The following NPNT variants were observed in gnomAD, a reference collection of about 807,000 sequenced individuals.
NPNT encodes the protein preosteoblast EGF-like repeat protein with MAM domain.
Under a neutral mutation model 68.6 loss-of-function variants are expected in NPNT, and 45 were observed. The observed-to-expected ratio is 0.66, with a 90% CI of 0.52 to 0.84. The LOEUF is 0.84. NPNT is among the 40% of genes least tolerant of loss of function. NPNT has a pLI of 0.00. For synonymous variants in NPNT, 233 were observed against 253.3 expected, an observed-to-expected ratio of 0.92 and a Z score of 0.76; for missense variants, 672 against 714.8, an observed-to-expected ratio of 0.94 and a Z score of 0.68.
At chr4:105,920,418 A>AAAAAAAAAAAAAAAAAAAAAAT (rs1728174889) in intron 2 of NPNT, among the ~76,000 whole-genome samples, 1 of 150,998 alleles carries the variant, frequency 6.6e-6, no homozygotes, top group Non-Finnish European at 1.5e-5. Flanking sequence ...AAAAAAAAAA[A>AAAAAAAAAAAAAAAAAAAAAAT]ACTTCACATT....
chr4:105,966,410 G>A (rs1001280616), intron 10 of NPNT, among the ~76,000 whole-genome samples: 13 of 152,160 alleles, frequency 8.5e-5, no homozygotes, highest in Admixed American at 4.6e-4. Context: ...CATCATCAAA[G>A]TGGTCTATCT....
chr4:105,907,089 G>A (rs1477575282), intron 2 of NPNT, among the ~76,000 whole-genome samples: 2 of 152,070 alleles, frequency 1.3e-5, no homozygotes, highest in Non-Finnish European at 2.9e-5. Flanking sequence ...TAATTCACCT[G>A]GATTTATAAG....
chr4:105,919,213 T>C (rs1177885687), intron 2 of NPNT, among the ~76,000 whole-genome samples: 1 of 152,104 alleles, frequency 6.6e-6, no homozygotes, highest in African/African-American at 2.4e-5. Flanking sequence ...TAAATACCCA[T>C]ATATCCTTAT....
intron 4 of NPNT, among the ~76,000 whole-genome samples, 164 bp downstream of exon 4, chr4:105,937,292 A>G (rs1405064275): frequency 6.6e-6 from 1 of 152,130 alleles, no homozygotes; most frequent in African/African-American, 2.4e-5. Context: ...AAGAGGCACC[A>G]TTTTCGATGT....
chr4:105,961,874 C>T (rs1383215108), intron 10 of NPNT, among the ~76,000 whole-genome samples: 2 of 152,162 alleles, frequency 1.3e-5, no homozygotes, highest in East Asian at 1.9e-4. Flanking sequence ...GACCAAACTA[C>T]GGTTGACTCA....
At position 105,898,344 on chromosome 4, in the gene NPNT, C is replaced by G. The variant is rs927447182; in HGVS notation, c.172+343C>G. Among the ~76,000 whole-genome samples, 807 of 125,488 alleles carry G rather than the reference C, an allele frequency of 6.4e-3. 7 individuals are homozygous for G. The highest frequency in any genetic ancestry group is 0.027 in the African/African-American group (713 of 26,304). The allele number at this position is 125,488 out of a possible 152,430, so 82.3% of individuals were successfully genotyped here. A position where few individuals can be genotyped will look rare whatever the true frequency, so the allele number is the denominator to read the frequency against. The stretch of plus-strand genomic sequence containing the variant: ...TCTCTCTCTGTCTCTCTCTCTCTCT[C>G]TCTCTCTCTCTCTCTCTCTCTCTCT... On this transcript the variant is annotated intron_variant, in intron 2 of 11. Coordinates refer to ENST00000379987, the MANE Select transcript of NPNT (RefSeq NM_001033047.3).
intron 3 of NPNT, among the ~76,000 whole-genome samples, chr4:105,934,049 A>C (rs1461413626): frequency 6.6e-6 from 1 of 152,160 alleles, no homozygotes; most frequent in Non-Finnish European, 1.5e-5. Flanking sequence ...AAAGGAAGAT[A>C]AGTAAATTTA....
intron 2 of NPNT, among the ~76,000 whole-genome samples, chr4:105,921,381 T>A (rs2149346077): frequency 6.6e-6 from 1 of 152,330 alleles, no homozygotes; most frequent in East Asian, 1.9e-4. Flanking sequence ...TTTTTACTTG[T>A]TTACTTGTAA....
rs35043121 is a variant in NPNT at position 105,924,039 on chromosome 4, GCC to G, written c.173-3288_173-3287del. ...ACTAAGAAGCAGTCCCCTTTGCTGCGCCCCCCCCCCACCACTTTGCTTATATT... is the reference window on the plus strand; with the variant it reads ...ACTAAGAAGCAGTCCCCTTTGCTGCGCCCCCCCCACCACTTTGCTTATATT... On this transcript the variant is annotated intron_variant, in intron 2 of 11. Transcript: ENST00000379987. Among the ~76,000 whole-genome samples the G allele has an allele frequency of 8.5e-4, 120 of 140,448 alleles. 1 individual carries two copies. Among genetic ancestry groups the G allele is most frequent in the African/African-American group, 3.1e-3 (117 of 38,326 alleles). The allele number at this position is 140,448 out of a possible 152,430, so 92.1% of individuals were successfully genotyped here.
rs966942830 is a variant in NPNT, at chr4:105,955,609, GA to G, written c.1160-2852del. On this transcript the variant is annotated intron_variant, in intron 8 of 11. Coordinates refer to ENST00000379987, the MANE Select transcript of NPNT (RefSeq NM_001033047.3). The stretch of plus-strand genomic sequence containing the variant: ...ACAAAAAAAGTGAACCAATACAAAT[GA>G]AAAAAAAAATTTCATTTCTAATACT... Among the ~76,000 whole-genome samples, 599 of 147,702 alleles carry G rather than the reference GA, an allele frequency of 4.1e-3. 5 individuals carry two copies. The highest frequency in any genetic ancestry group is 0.014 in the African/African-American group (567 of 40,286).
In NPNT at chr4:105,927,362, G is replaced by A. The variant is rs1728765452; in HGVS notation, c.199G>A (p.Gly67Ser). ...TGTGTGCCAACCACGATGCAAACAT[G>A]GTGAATGTATCGGGCCAAACAAGTG... Reference protein sequence around the residue: ...QPVCQPRCKHGECIGPNKCKC... With the variant: ...QPVCQPRCKHSECIGPNKCKC... The change falls in exon 3 of 12, where the codon GGT becomes AGT. Residue 67 changes from glycine to serine, a missense_variant. Gly to Ser is a moderately conservative substitution (Grantham distance 56, BLOSUM62 0). Transcript: ENST00000379987. 1 of 1,612,538 alleles carries A rather than the reference G, an allele frequency of 6.2e-7. No homozygotes were observed. The highest frequency in any genetic ancestry group is 8.5e-7 in the Non-Finnish European group (1 of 1,179,010).
intron 8 of NPNT, among the ~76,000 whole-genome samples, chr4:105,947,493 C>G (rs1481209328): frequency 6.6e-6 from 1 of 152,116 alleles, no homozygotes; most frequent in Admixed American, 6.5e-5. Flanking sequence ...CCTGACTTCC[C>G]ACAACACTCA....
chr4:105,898,800 C>T (rs1189244312), intron 2 of NPNT, among the ~76,000 whole-genome samples: 5 of 152,076 alleles, frequency 3.3e-5, no homozygotes, highest in Non-Finnish European at 5.9e-5. Flanking sequence ...CATTTTATCG[C>T]GATCTTAAAA....
At chr4:105,939,162 A>C (rs1348048655) in intron 5 of NPNT, among the ~76,000 whole-genome samples, 2 of 152,362 alleles carry the variant, frequency 1.3e-5, no homozygotes, top group South Asian at 4.1e-4. Context: ...TGACATGCTA[A>C]TGGGGGAGAC....
chr4:105,949,303 G>C (rs1378612852), intron 8 of NPNT, among the ~76,000 whole-genome samples: 1 of 152,080 alleles, frequency 6.6e-6, no homozygotes, highest in African/African-American at 2.4e-5. Context: ...TTGAATCTTG[G>C]GATTAGAGTT....
intron 2 of NPNT, among the ~76,000 whole-genome samples, chr4:105,923,896 G>A (rs981465338): frequency 1.3e-5 from 2 of 152,106 alleles, no homozygotes; most frequent in African/African-American, 4.8e-5. Context: ...AAGCAGAAGG[G>A]AAAGAGATAT....
chr4:105,942,271 T>TG, intron 7 of NPNT, 36 bp from the exon 8 acceptor site: 1 of 1,509,228 alleles, frequency 6.6e-7, no homozygotes, highest in African/African-American at 1.4e-5. Context: ...TAGGGAGGAA[T>TG]GGTTACATAC....
intron 9 of NPNT, 121 bp from the exon 10 acceptor site, chr4:105,958,907 A>G (rs1388787648): frequency 1.5e-6 from 1 of 648,052 alleles, no homozygotes; most frequent in African/African-American, 1.8e-5. Flanking sequence ...TTATGGAAAG[A>G]AGCTCTGGTT....
intron 8 of NPNT, among the ~76,000 whole-genome samples, chr4:105,956,817 C>A (rs1404750510): frequency 6.6e-6 from 1 of 152,082 alleles, no homozygotes; most frequent in African/African-American, 2.4e-5. Context: ...AGCTGTGTCC[C>A]TAGAGCTTCT....
Sources: gnomAD v4.1 joint callset for allele counts (sites outside exome capture counted in the v4.1 genomes callset) on GRCh38, gnomAD v4.1.1 for gene constraint, MANE v1.5 for transcripts, NCBI Gene and HGNC (gene_info 2026-07-23, HGNC 2026-07-21) for gene names.